The following RAB9A variants were observed in gnomAD, a reference collection of about 807,000 sequenced individuals.
RAB9A encodes the protein ras-related protein Rab-9A.
In RAB9A, 1 loss-of-function variant was observed where a neutral mutation model predicts 10.3. The observed-to-expected ratio is 0.10, with a 90% CI of 0.03 to 0.46. RAB9A has a LOEUF of 0.46. Ranked by LOEUF, RAB9A falls within the 20% of genes least tolerant of loss-of-function variation. The probability of loss-of-function intolerance (pLI) is 0.96; values close to 1 mark genes in which losing one functional copy is unlikely to be tolerated. For missense variants in RAB9A, 92 were observed against 150.3 expected, an observed-to-expected ratio of 0.61 and a Z score of 2.03; for synonymous variants, 39 against 55.2, an observed-to-expected ratio of 0.71 and a Z score of 1.30.
At chrX:13,704,610 C>A (rs1241069226) in intron 2 of RAB9A, among the ~76,000 whole-genome samples, 2 of 92,451 alleles carry the variant, frequency 2.2e-5, no homozygotes, top group African/African-American at 7.6e-5. Context: ...ATATAGATTT[C>A]TTTCTTTCTT....
At chrX:13,691,112 T>G (rs1265385715) in intron 1 of RAB9A, among the ~76,000 whole-genome samples, 1 of 111,211 alleles carries the variant, frequency 9.0e-6, no homozygotes, top group East Asian at 2.8e-4. Flanking sequence ...GTTATTTAAT[T>G]TTTAAATTTT....
chrX:13,706,744 A>G (rs1026175403), intron 2 of RAB9A, among the ~76,000 whole-genome samples: 1 of 110,469 alleles, frequency 9.1e-6, no homozygotes, highest in African/African-American at 3.3e-5. Context: ...GGACTAAGGT[A>G]TGTCCCATCA....
intron 1 of RAB9A, among the ~76,000 whole-genome samples, chrX:13,695,753 G>A (rs187757068): frequency 8.9e-6 from 1 of 111,889 alleles, no homozygotes; most frequent in African/African-American, 3.3e-5. Flanking sequence ...CAGACATGCG[G>A]ATGTAGACTT....
chrX:13,702,246 T>G (rs2046177420), intron 1 of RAB9A, among the ~76,000 whole-genome samples: 1 of 111,541 alleles, frequency 9.0e-6, no homozygotes, highest in African/African-American at 3.3e-5. Flanking sequence ...ACTTTCTGGT[T>G]CCTGCTCCCT....
intron 1 of RAB9A, among the ~76,000 whole-genome samples, chrX:13,698,556 T>C (rs1769783158): frequency 9.0e-6 from 1 of 111,092 alleles, no homozygotes; most frequent in Non-Finnish European, 1.9e-5. Flanking sequence ...TTTCCTTTTC[T>C]TTCTTTTGCT....
chrX:13,700,674 A>G (rs1015357514), intron 1 of RAB9A, among the ~76,000 whole-genome samples: 1 of 112,118 alleles, frequency 8.9e-6, no homozygotes, highest in African/African-American at 3.2e-5. Context: ...TGCTGAAGGG[A>G]CAAGGAGAAC....
chrX:13,709,946 C>T lies in RAB9A; in HGVS notation c.*594C>T, dbSNP rs2046214718. 8.1e-6 allele frequency: 1 copy of T among 123,446 alleles called. No homozygotes were observed. Among genetic ancestry groups the T allele is most frequent in the African/African-American group, 3.2e-5 (1 of 30,799 alleles). The allele number at this position is 123,446 out of a possible 1,213,427, so 10.2% of individuals were successfully genotyped here. ...ATCATTTGTGTGCCATTCATGCACC[C>T]CCACCCCCATAAATCATGTTCCACA... On this transcript the variant is annotated 3_prime_UTR_variant, in exon 3 of 3. Coordinates refer to ENST00000464506, the MANE Select transcript of RAB9A (RefSeq NM_004251.5).
intron 1 of RAB9A, among the ~76,000 whole-genome samples, chrX:13,700,774 ATTT>A (rs953857162): frequency 9.5e-6 from 1 of 105,256 alleles, no homozygotes; most frequent in African/African-American, 3.4e-5. Flanking sequence ...TACAGTAAAA[ATTT>A]TTTTTTTTTT....
At chrX:13,698,399 A>G (rs1217874279) in intron 1 of RAB9A, among the ~76,000 whole-genome samples, 1 of 110,235 alleles carries the variant, frequency 9.1e-6, no homozygotes, top group Non-Finnish European at 1.9e-5. Flanking sequence ...GTGCTCTGAC[A>G]TAGCGATAGT....
At chrX:13,693,413 A>G (rs1002932931) in intron 1 of RAB9A, among the ~76,000 whole-genome samples, 6 of 111,895 alleles carry the variant, frequency 5.4e-5, no homozygotes, top group Non-Finnish European at 9.4e-5. Flanking sequence ...CTATGATGCA[A>G]TTGGAAGGCG....
In RAB9A at chrX:13,710,149, A is replaced by T. The variant is rs2046215388; in HGVS notation, c.*797A>T. 1 of 124,397 alleles carries T rather than the reference A, an allele frequency of 8.0e-6. No individual in the cohort carries two copies. The highest frequency in any genetic ancestry group is 1.9e-5 in the Non-Finnish European group (1 of 53,467). 10.3% of individuals were successfully genotyped at this position (124,397 alleles called of 1,213,427 possible). A position where few individuals can be genotyped will look rare whatever the true frequency, so the allele number is the denominator to read the frequency against. On this transcript the variant is annotated 3_prime_UTR_variant, in exon 3 of 3. Transcript: ENST00000464506. Reference sequence around the variant, plus strand: ...CAGACAAATGTGCATTTGATAACTGATGTAATAATTACAATGTACTGTGTG... The same window carrying T: ...CAGACAAATGTGCATTTGATAACTGTTGTAATAATTACAATGTACTGTGTG...
chrX:13,698,308 A>G (rs1449498178), intron 1 of RAB9A, among the ~76,000 whole-genome samples: 1 of 107,383 alleles, frequency 9.3e-6, no homozygotes, highest in East Asian at 2.9e-4. Context: ...AAAAATGTTA[A>G]CATATTTCTT....
rs775300423 is a variant in RAB9A at position 13,709,400 on chromosome X, A to G, written c.*48A>G. The G allele has an allele frequency of 7.1e-6, 8 of 1,134,707 alleles. No individual in the cohort carries two copies. In the African/African-American group the frequency reaches 1.1e-4, roughly 16 times the overall value. 93.5% of individuals were successfully genotyped at this position (1,134,707 alleles called of 1,213,427 possible). A position where few individuals can be genotyped will look rare whatever the true frequency, so the allele number is the denominator to read the frequency against. On this transcript the variant is annotated 3_prime_UTR_variant, in exon 3 of 3. Transcript: ENST00000464506. ...TAACCAACTCACACATATACACAAAATCAACATGGGGATGGAGAAGAGAAT... is the reference window on the plus strand; with the variant it reads ...TAACCAACTCACACATATACACAAAGTCAACATGGGGATGGAGAAGAGAAT...
Position 13,689,570 on chromosome X carries a change from A to G in RAB9A, c.-116+282A>G, listed in dbSNP as rs539083552. Among the ~76,000 whole-genome samples, 12 of 112,102 alleles carry G rather than the reference A, an allele frequency of 1.1e-4. No homozygotes were observed. In the South Asian group the frequency reaches 2.6e-3, roughly 24 times the overall value. On this transcript the variant is annotated intron_variant, in intron 1 of 2. Transcript: ENST00000464506. ...CAAAAGCCCGGACACCCGTGCACAT[A>G]CACACGGAGAAATACACCCGGTCAC...
rs1362391864 is a variant in RAB9A, at chrX:13,709,752, T to G, written c.*400T>G. The G allele has an allele frequency of 7.9e-6, 1 of 125,970 alleles. No individual in the cohort carries two copies. The highest frequency in any genetic ancestry group is 9.3e-5 in the Admixed American group (1 of 10,736). 10.4% of individuals were successfully genotyped at this position (125,970 alleles called of 1,213,427 possible). ...ATGTTTTTATGCAATTAGCATTGTA[T>G]TCTTGGTTCAGGGAAATACTTTCCT... On this transcript the variant is annotated 3_prime_UTR_variant, in exon 3 of 3. Transcript: ENST00000464506.
chrX:13,705,529 T>G (rs1046041847), intron 2 of RAB9A, among the ~76,000 whole-genome samples: 1 of 111,924 alleles, frequency 8.9e-6, no homozygotes, highest in Non-Finnish European at 1.9e-5. Flanking sequence ...TCAAGGAATT[T>G]CTACAACTTA....
intron 1 of RAB9A, among the ~76,000 whole-genome samples, chrX:13,692,489 T>C (rs1326254339): frequency 8.9e-6 from 1 of 112,268 alleles, no homozygotes; most frequent in Admixed American, 9.4e-5. Flanking sequence ...GCCATTCTTG[T>C]TGAGCATAAA....
intron 1 of RAB9A, among the ~76,000 whole-genome samples, chrX:13,689,973 T>TA (rs2046112971): frequency 9.1e-6 from 1 of 109,776 alleles, no homozygotes; most frequent in African/African-American, 3.3e-5. Context: ...TTGCTTTTTT[T>TA]TTTTTTTGGT....
intron 2 of RAB9A, among the ~76,000 whole-genome samples, chrX:13,704,807 A>G (rs1227897065): frequency 9.0e-6 from 1 of 110,537 alleles, no homozygotes; most frequent in Non-Finnish European, 1.9e-5. Flanking sequence ...CAGAGATGAG[A>G]TGAGGTCTCA....
Sources: gnomAD v4.1 joint callset for allele counts (sites outside exome capture counted in the v4.1 genomes callset) on GRCh38, gnomAD v4.1.1 for gene constraint, MANE v1.5 for transcripts, NCBI Gene and HGNC (gene_info 2026-07-23, HGNC 2026-07-21) for gene names.